Variants in MAMLD1 observed in about 807,000 individuals in gnomAD.
MAMLD1 encodes mastermind like domain containing 1, also known as mastermind-like domain-containing protein 1.
In MAMLD1, 14 loss-of-function variants were observed where a neutral mutation model predicts 45.0. The observed-to-expected ratio is 0.31, with a 90% CI of 0.21 to 0.49. The LOEUF (loss-of-function observed/expected upper bound fraction) is 0.49, where lower values mean the gene tolerates loss of function less well. Ranked by LOEUF, MAMLD1 falls within the 20% of genes least tolerant of loss-of-function variation. MAMLD1 has a pLI of 0.99. For synonymous variants in MAMLD1, 254 were observed against 247.8 expected, an observed-to-expected ratio of 1.02 and a Z score of -0.24; for missense variants, 543 against 603.6, an observed-to-expected ratio of 0.90 and a Z score of 1.05.
intron 1 of MAMLD1, among the ~76,000 whole-genome samples, chrX:150,423,288 G>A (rs1057379017): frequency 9.0e-6 from 1 of 110,762 alleles, no homozygotes; most frequent in African/African-American, 3.3e-5. Context: ...TGTTCCTGTA[G>A]GGTAAGTCTA....
At chrX:150,398,343 G>GAAGAAGAAGAAAGAAGAAGAAGAA (rs1569564636) in intron 1 of MAMLD1, among the ~76,000 whole-genome samples, 2 of 56,452 alleles carry the variant, frequency 3.5e-5, no homozygotes, top group African/African-American at 1.2e-4. Flanking sequence ...AAGAAGAAGA[G>GAAGAAGAAGAAAGAAGAAGAAGAA]GAAGAGGAAG....
intron 3 of MAMLD1, among the ~76,000 whole-genome samples, chrX:150,465,742 GCTA>G (rs1277158300): frequency 2.7e-5 from 3 of 112,340 alleles, no homozygotes; most frequent in Non-Finnish European, 5.6e-5. Context: ...CCTGCCAGTG[GCTA>G]CTGATTGTCA....
At chrX:150,506,445 G>A (rs1417150726) in intron 6 of MAMLD1, among the ~76,000 whole-genome samples, 1 of 108,458 alleles carries the variant, frequency 9.2e-6, no homozygotes, top group Non-Finnish European at 1.9e-5. Flanking sequence ...TATAAAACAA[G>A]GCTTTGGATC....
intron 2 of MAMLD1, among the ~76,000 whole-genome samples, chrX:150,451,221 A>C (rs782403587): frequency 8.9e-6 from 1 of 112,437 alleles, no homozygotes; most frequent in African/African-American, 3.2e-5. Flanking sequence ...CTAAACTTTT[A>C]GGAGCCCATG....
chrX:150,368,020 A>G (rs1478752509), intron 1 of MAMLD1, among the ~76,000 whole-genome samples: 1 of 111,013 alleles, frequency 9.0e-6, no homozygotes, highest in Non-Finnish European at 1.9e-5. Flanking sequence ...CAATAAACAT[A>G]CGTGTGCATG....
chrX:150,431,039 T>C (rs1373751695), intron 1 of MAMLD1, among the ~76,000 whole-genome samples: 10 of 112,542 alleles, frequency 8.9e-5, no homozygotes, highest in African/African-American at 3.2e-4. Flanking sequence ...GAGAAGTCAA[T>C]GTCTTTACTA....
At chrX:150,378,847 G>A (rs982699885) in intron 1 of MAMLD1, among the ~76,000 whole-genome samples, 16 of 110,958 alleles carry the variant, frequency 1.4e-4, no homozygotes, top group Admixed American at 3.8e-4. Flanking sequence ...TCCTCTGAGC[G>A]CGCCCTTAAT....
rs2035463176 is a variant in MAMLD1 at position 150,445,640 on chromosome X, G to A, written c.96+28G>A. ...CAGACAATGGGCCATGGGGGGAGGG[G>A]GGTATTTAATGCTTCTAATCTTAAA... On this transcript the variant is annotated intron_variant, in intron 2 of 7. Transcript: ENST00000370401. The A allele has an allele frequency of 4.7e-6, 5 of 1,072,644 alleles. No individual in the cohort carries two copies. The East Asian group carries it at 1.2e-4, about 26-fold the overall frequency. The allele number at this position is 1,072,644 out of a possible 1,213,427, so 88.4% of individuals were successfully genotyped here.
rs937777077 is a variant in MAMLD1 at position 150,469,069 on chromosome X, A to C, written c.172-676A>C. 4.5e-5 allele frequency among the ~76,000 whole-genome samples: 5 copies of C among 110,716 alleles called. No homozygotes were observed. In the Admixed American group the frequency reaches 4.8e-4, roughly 11 times the overall value. ...ACTGTTCTGAAACTTGTGCTTTCCC[A>C]AAAACAGTATTTTAAACAGCTCCCC... On this transcript the variant is annotated intron_variant, in intron 3 of 7. Coordinates refer to ENST00000370401, the MANE Select transcript of MAMLD1 (RefSeq NM_005491.5).
chrX:150,478,804 A>T (rs1557406979), intron 5 of MAMLD1, among the ~76,000 whole-genome samples: 1 of 112,762 alleles, frequency 8.9e-6, no homozygotes, highest in African/African-American at 3.2e-5. Context: ...ATGATGGTAC[A>T]TACAAGCTTA....
chrX:150,506,228 G>T (rs782344956), intron 6 of MAMLD1, among the ~76,000 whole-genome samples: 1 of 110,479 alleles, frequency 9.1e-6, no homozygotes, highest in Admixed American at 9.5e-5. Context: ...AAGGAGACAG[G>T]AGTTCCCTAG....
chrX:150,382,927 C>T (rs113637911), intron 1 of MAMLD1, among the ~76,000 whole-genome samples: 5 of 16,520 alleles, frequency 3.0e-4, no homozygotes, highest in Non-Finnish European at 4.5e-4. Context: ...TTTTTTGAGA[C>T]GGAGTCTCGC....
At chrX:150,509,852 C>T in intron 6 of MAMLD1, 110 bp from the exon 7 acceptor site, 1 of 598,498 alleles carries the variant, frequency 1.7e-6, no homozygotes, top group Non-Finnish European at 2.9e-6. Flanking sequence ...TGTGTTTATT[C>T]ATGCTTTCTG....
chrX:150,412,716 TG>T (rs1454063923), intron 1 of MAMLD1, among the ~76,000 whole-genome samples: 3 of 109,485 alleles, frequency 2.7e-5, no homozygotes, highest in African/African-American at 9.9e-5. Context: ...TTTTTTTGTT[TG>T]TTTGTTTTTT....
rs2036426721 is a variant in MAMLD1 at position 150,471,451 on chromosome X, ATCAGTGGCC to A, written c.1883_1891del (p.Val628_Ser630del). On this transcript the variant is annotated inframe_deletion, in exon 4 of 8. Transcript: ENST00000370401. The stretch of plus-strand genomic sequence containing the variant: ...TGCAGCAACCCCAGCGTTTTCAGCG[ATCAGTGGCC>A]TCAGATTCCATGCCTGCTCTGCCCA... The A allele has an allele frequency of 8.3e-7, 1 of 1,211,382 alleles. No individual in the cohort carries two copies. Among genetic ancestry groups the A allele is most frequent in the African/African-American group, 1.7e-5 (1 of 57,915 alleles).
At chrX:150,452,249 G>A (rs1390093344) in intron 2 of MAMLD1, among the ~76,000 whole-genome samples, 2 of 112,114 alleles carry the variant, frequency 1.8e-5, no homozygotes, top group Admixed American at 1.9e-4. Context: ...TATTTGCAGA[G>A]TACCATTTTC....
intron 1 of MAMLD1, among the ~76,000 whole-genome samples, chrX:150,404,460 C>T (rs782248090): frequency 8.9e-6 from 1 of 112,023 alleles, no homozygotes; most frequent in South Asian, 3.8e-4. Flanking sequence ...ACATTGCACA[C>T]ATTCCCATTT....
At chrX:150,381,368 A>G (rs782167142) in intron 1 of MAMLD1, among the ~76,000 whole-genome samples, 2 of 112,486 alleles carry the variant, frequency 1.8e-5, no homozygotes, top group East Asian at 2.8e-4. Context: ...CCAGTTATAC[A>G]TGCACTTATT....
intron 1 of MAMLD1, among the ~76,000 whole-genome samples, chrX:150,391,801 T>A (rs1557402182): frequency 8.9e-6 from 1 of 112,049 alleles, no homozygotes; most frequent in Non-Finnish European, 1.9e-5. Flanking sequence ...ATTTGCATAT[T>A]ATATTTTGAG....
Sources: gnomAD v4.1 joint callset for allele counts (sites outside exome capture counted in the v4.1 genomes callset) on GRCh38, gnomAD v4.1.1 for gene constraint, MANE v1.5 for transcripts, NCBI Gene and HGNC (gene_info 2026-07-23, HGNC 2026-07-21) for gene names.